GRM7: variants seen among roughly 807,000 people sequenced by gnomAD.
GRM7 encodes the protein glutamate metabotropic receptor 7, also known as metabotropic glutamate receptor 7.
A neutral mutation model predicts 84.5 loss-of-function variants in GRM7; 35 were observed. That is an observed-to-expected ratio of 0.41 (90% confidence interval 0.32 to 0.55). The LOEUF (loss-of-function observed/expected upper bound fraction) is 0.55. GRM7 is among the 20% of genes least tolerant of loss of function. The probability of loss-of-function intolerance (pLI) is 0.19; values close to 1 mark genes in which losing one functional copy is unlikely to be tolerated. For missense variants in GRM7, 1,003 were observed against 1,194.6 expected, an observed-to-expected ratio of 0.84 and a Z score of 2.36; for synonymous variants, 487 against 455.1, an observed-to-expected ratio of 1.07 and a Z score of -0.89.
At chr3:7,096,254 A>G (rs1328952714) in intron 1 of GRM7, among the ~76,000 whole-genome samples, 1 of 152,098 alleles carries the variant, frequency 6.6e-6, no homozygotes, top group Non-Finnish European at 1.5e-5. Flanking sequence ...GAGTGAGTGC[A>G]GACCCCACAA....
chr3:7,116,871 G>A (rs1363873283), intron 1 of GRM7, among the ~76,000 whole-genome samples: 1 of 152,098 alleles, frequency 6.6e-6, no homozygotes, highest in Admixed American at 6.6e-5. Context: ...CAGTGTTCAA[G>A]TTTCAATTGC....
intron 1 of GRM7, among the ~76,000 whole-genome samples, chr3:6,930,458 G>A (rs78308521): frequency 6.6e-6 from 1 of 152,106 alleles, no homozygotes; most frequent in Non-Finnish European, 1.5e-5. Flanking sequence ...ATGTAGTGTA[G>A]GCAACACATT....
At chr3:7,104,498 T>G (rs531174343) in intron 1 of GRM7, among the ~76,000 whole-genome samples, 2 of 151,980 alleles carry the variant, frequency 1.3e-5, no homozygotes, top group South Asian at 2.1e-4. Context: ...ATTACTCTTA[T>G]CAGTTAGGAT....
chr3:7,591,799 T>G (rs1050874114), intron 8 of GRM7, among the ~76,000 whole-genome samples: 7 of 152,136 alleles, frequency 4.6e-5, no homozygotes, highest in Non-Finnish European at 4.4e-5. Context: ...GGGACTGATA[T>G]CATCCCCATT....
chr3:7,093,748 G>T (rs1267768593), intron 1 of GRM7, among the ~76,000 whole-genome samples: 1 of 97,990 alleles, frequency 1.0e-5, no homozygotes, highest in Non-Finnish European at 2.0e-5. Flanking sequence ...TTACATTTAA[G>T]ACATTGGAAG....
At chr3:7,362,232 T>A (rs555012936) in intron 4 of GRM7, among the ~76,000 whole-genome samples, 1 of 152,176 alleles carries the variant, frequency 6.6e-6, no homozygotes, top group African/African-American at 2.4e-5. Flanking sequence ...AAAGTTGAGC[T>A]ACATCATCAG....
intron 2 of GRM7, among the ~76,000 whole-genome samples, chr3:7,175,118 C>G (rs534580708): frequency 3.3e-5 from 5 of 152,274 alleles, no homozygotes; most frequent in Non-Finnish European, 7.4e-5. Flanking sequence ...TTACTTGGTT[C>G]TAAATTGATG....
chr3:7,039,309 G>A (rs1696503294), intron 1 of GRM7, among the ~76,000 whole-genome samples: 1 of 152,134 alleles, frequency 6.6e-6, no homozygotes, highest in Non-Finnish European at 1.5e-5. Context: ...GCAGGCAGAT[G>A]ATATGGAGAA....
At chr3:7,461,782 G>T (rs1316105587) in intron 7 of GRM7, 60 bp downstream of exon 7, 3 of 1,493,066 alleles carry the variant, frequency 2.0e-6, no homozygotes, top group Non-Finnish European at 2.8e-6. Flanking sequence ...CTTTTAATTT[G>T]CTCAGTTATA....
At chr3:6,932,519 A>G (rs1381614089) in intron 1 of GRM7, among the ~76,000 whole-genome samples, 1 of 152,168 alleles carries the variant, frequency 6.6e-6, no homozygotes, top group Non-Finnish European at 1.5e-5. Context: ...TTAGATTTAA[A>G]AACATAATTT....
chr3:6,900,196 C>A (rs535712401), intron 1 of GRM7, among the ~76,000 whole-genome samples: 1 of 152,126 alleles, frequency 6.6e-6, no homozygotes, highest in East Asian at 1.9e-4. Context: ...GTTTGGGGAC[C>A]TTTAAGAGAG....
intron 1 of GRM7, among the ~76,000 whole-genome samples, chr3:7,120,988 G>A (rs574327876): frequency 3.3e-5 from 5 of 152,128 alleles, no homozygotes; most frequent in African/African-American, 2.4e-5. Flanking sequence ...ATTATTGTGG[G>A]GTTTTTTTCT....
chr3:7,491,048 G>C (rs914066281), intron 7 of GRM7, among the ~76,000 whole-genome samples: 2 of 151,848 alleles, frequency 1.3e-5, no homozygotes, highest in African/African-American at 4.8e-5. Context: ...TGTTTTGATG[G>C]TTCAAAATTA....
intron 4 of GRM7, among the ~76,000 whole-genome samples, chr3:7,375,214 CTTTT>C (rs1553572612): frequency 7.5e-6 from 1 of 132,954 alleles, no homozygotes; most frequent in Non-Finnish European, 1.6e-5. Flanking sequence ...TAAACATCCC[CTTTT>C]TTTTTTTTTT....
At chr3:7,690,050 C>A (rs907548989) in intron 9 of GRM7, among the ~76,000 whole-genome samples, 2 of 152,164 alleles carry the variant, frequency 1.3e-5, no homozygotes, top group African/African-American at 2.4e-5. Flanking sequence ...GGGCTCCAGG[C>A]AGCCATAAAC....
chr3:7,029,301 C>CAAAAA (rs57622634), intron 1 of GRM7, among the ~76,000 whole-genome samples: 36 of 55,184 alleles, frequency 6.5e-4, no homozygotes, highest in African/African-American at 1.5e-3. Context: ...GACTCTGCCT[C>CAAAAA]AAAAAAAAAA....
At chr3:7,262,824 A>C (rs1171536846) in intron 2 of GRM7, among the ~76,000 whole-genome samples, 1 of 152,194 alleles carries the variant, frequency 6.6e-6, no homozygotes, top group Admixed American at 6.5e-5. Flanking sequence ...CAGCCTCCTG[A>C]GTAGCTGGGA....
rs953134358 is a variant in GRM7 at position 7,412,160 on chromosome 3, T to C, written c.1034-2863T>C. Among the ~76,000 whole-genome samples the C allele has an allele frequency of 4.6e-5, 7 of 152,264 alleles. No individual in the cohort carries two copies. In the East Asian group the frequency reaches 5.8e-4, roughly 13 times the overall value. ...CCAGGAGCTTTATTTTTCTGAATCATTGGGCCATTCTTACTAAGAAGGAAG... is the reference window on the plus strand; with the variant it reads ...CCAGGAGCTTTATTTTTCTGAATCACTGGGCCATTCTTACTAAGAAGGAAG... On this transcript the variant is annotated intron_variant, in intron 4 of 9. Coordinates refer to ENST00000357716, the MANE Select transcript of GRM7 (RefSeq NM_000844.4).
rs144615869 is a variant in GRM7, at chr3:6,954,755, A to C, written c.519+92848A>C. ...ACATTCCTTCATAGAAACATTATCA[A>C]TGGAGAGAGATAATATATGTAAAGT... On this transcript the variant is annotated intron_variant, in intron 1 of 9. Transcript: ENST00000357716. Among the ~76,000 whole-genome samples the C allele has an allele frequency of 3.9e-5, 6 of 152,222 alleles. No individual in the cohort carries two copies. In the East Asian group the frequency reaches 5.8e-4, roughly 15 times the overall value.
Sources: allele counts gnomAD v4.1 joint callset (sites outside exome capture counted in the v4.1 genomes callset), GRCh38; gene constraint gnomAD v4.1.1; transcripts MANE v1.5; gene names NCBI Gene and HGNC (gene_info 2026-07-23, HGNC 2026-07-21).